MUC5B: variants seen among roughly 807,000 people sequenced by gnomAD.
The protein encoded by MUC5B is mucin-5B.
In MUC5B, 116 loss-of-function variants were observed where a neutral mutation model predicts 376.9. The ratio of observed to expected loss-of-function variants is 0.31; its 90% confidence interval spans 0.26 to 0.36. The LOEUF is 0.36. MUC5B is among the 10% of genes least tolerant of loss of function. The probability of loss-of-function intolerance (pLI) is 1.00; values close to 1 mark genes in which losing one functional copy is unlikely to be tolerated. For synonymous variants in MUC5B, 3,517 were observed against 3,390.9 expected, an observed-to-expected ratio of 1.04 and a Z score of -1.29; for missense variants, 7,165 against 7,769.9, an observed-to-expected ratio of 0.92 and a Z score of 2.93.
chr11:1,256,743 A>G lies in MUC5B; in HGVS notation c.16209A>G (p.Ala5403=). 1 of 1,547,910 alleles carries G rather than the reference A, an allele frequency of 6.5e-7. No homozygotes were observed. Among genetic ancestry groups the G allele is most frequent in the Non-Finnish European group, 8.7e-7 (1 of 1,148,392 alleles). ...FCPEDQILFN[A]HMGICVQACP... is the part of the protein sequence containing the mutation. ...CTGAGGACCAGATCCTCTTCAACGCACACATGGGCATCTGCGTGCAGGCCT... is the reference window on the plus strand; with the variant it reads ...CTGAGGACCAGATCCTCTTCAACGCGCACATGGGCATCTGCGTGCAGGCCT... Residue 5403 remains alanine (A), a synonymous_variant, in exon 39 of 49, where the codon GCA becomes GCG. Transcript: ENST00000529681.
chr11:1,256,585 C>A, intron 38 of MUC5B, 86 bp from the exon 39 acceptor site: 1 of 857,446 alleles, frequency 1.2e-6, no homozygotes, highest in Non-Finnish European at 1.8e-6. Flanking sequence ...TCCCTGCTCC[C>A]CACTGCCCAT....
Position 1,248,680 on chromosome 11 carries a change from C to T in MUC5B, c.11800C>T (p.Pro3934Ser). Residue 3934 changes from proline (P) to serine (S), a missense_variant, in exon 31 of 49, where the codon CCC (proline) becomes TCC (serine). By Grantham distance (74) the Pro-to-Ser change is moderately conservative. Transcript: ENST00000529681. ...TGTGGCCACTGGTTCTATGGCAACA[C>T]CCTCCTCTAGCACACAGACCAGTGG... is the stretch of plus-strand genomic sequence containing the variant. ...TTVATGSMAT[P>S]SSSTQTSGTP... is the part of the protein sequence containing the mutation. 1.3e-6 allele frequency: 2 copies of T among 1,591,334 alleles called. No individual in the cohort carries two copies. The highest frequency in any genetic ancestry group is 1.7e-6 in the Non-Finnish European group (2 of 1,169,532).
chr11:1,248,635 C>A lies in MUC5B; in HGVS notation c.11755C>A (p.Leu3919Met), dbSNP rs1379108251. ...VPGTTHTPTVLTTTTTTVATG... is the reference protein window; with the variant it reads ...VPGTTHTPTVMTTTTTTVATG... Reference sequence around the variant, plus strand: ...GGGGACCACCCACACCCCCACAGTGCTGACCACCACCACCACAACTGTGGC... The same window carrying A: ...GGGGACCACCCACACCCCCACAGTGATGACCACCACCACCACAACTGTGGC... Residue 3919 changes from leucine to methionine, a missense_variant, in exon 31 of 49, where the codon CTG (leucine) becomes ATG (methionine). Transcript: ENST00000529681. The A allele has an allele frequency of 1.2e-6, 2 of 1,611,026 alleles. No individual in the cohort carries two copies. Among genetic ancestry groups the A allele is most frequent in the African/African-American group, 1.3e-5 (1 of 74,754 alleles).
In MUC5B at chr11:1,257,965, G is replaced by T; in HGVS notation, c.16451-134G>T. On this transcript the variant is annotated intron_variant, in intron 41 of 48. Coordinates refer to ENST00000529681, the MANE Select transcript of MUC5B (RefSeq NM_002458.3). The surrounding 1 kb of genome is among the most constrained non-coding windows in gnomAD (Gnocchi z 8.9). ...CAGCGGGGAGGTGGCCAAGCAAGGG[G>T]CCTGGAGGGAGCCCCCAGGGGCTGT... 1.0e-6 allele frequency: 1 copy of T among 999,824 alleles called. No homozygotes were observed. Among genetic ancestry groups the T allele is most frequent in the Non-Finnish European group, 1.5e-6 (1 of 674,244 alleles). The allele number at this position is 999,824 out of a possible 1,614,324, so 61.9% of individuals were successfully genotyped here.
At position 1,240,170 on chromosome 11, in the gene MUC5B, A is replaced by G. The variant is rs1862245972; in HGVS notation, c.3773-8A>G. Reference sequence around the variant, plus strand: ...GGCCCTGGGTGACTCTGCCGGCTCCATCCCCAGCCTGCACCTGCACCTATG... The same window carrying G: ...GGCCCTGGGTGACTCTGCCGGCTCCGTCCCCAGCCTGCACCTGCACCTATG... On this transcript the variant is annotated splice_region_variant and splice_polypyrimidine_tract_variant and intron_variant, in intron 29 of 48. Coordinates refer to ENST00000529681, the MANE Select transcript of MUC5B (RefSeq NM_002458.3). 4 of 1,589,474 alleles carry G rather than the reference A, an allele frequency of 2.5e-6. No homozygotes were observed. In the East Asian group the frequency reaches 9.0e-5, roughly 36 times the overall value.
chr11:1,235,628 A>G (rs796934878), intron 23 of MUC5B: 5 of 591,418 alleles, frequency 8.5e-6, no homozygotes, highest in African/African-American at 7.4e-5. Flanking sequence ...GGGCAGGGCC[A>G]CACTCCCTGT....
Position 1,234,029 on chromosome 11 carries a change from G to T in MUC5B, c.2378-176G>T, listed in dbSNP as rs1318948738. The stretch of plus-strand genomic sequence containing the variant: ...ACGCCAGGGACGGAGGGGCCAGTGG[G>T]TCTCTGCCCCGCAGTGTGGCCGGGG... On this transcript the variant is annotated intron_variant, in intron 19 of 48. Transcript: ENST00000529681. The surrounding 1 kb of genome is among the most constrained non-coding windows in gnomAD (Gnocchi z 6.3). Among the ~76,000 whole-genome samples, 3 of 152,232 alleles carry T rather than the reference G, an allele frequency of 2.0e-5. No individual in the cohort carries two copies. The highest frequency in any genetic ancestry group is 4.4e-5 in the Non-Finnish European group (3 of 68,036).
rs745412238 is a variant in MUC5B, at chr11:1,233,023, G to A, written c.2076G>A (p.Met692Ile). 1 of 1,592,978 alleles carries A rather than the reference G, an allele frequency of 6.3e-7. No homozygotes were observed. Among genetic ancestry groups the A allele is most frequent in the African/African-American group, 1.3e-5 (1 of 74,794 alleles). Reference protein sequence around the residue: ...DWRDGVCTKYMQNCPKSQRYA... With the variant: ...DWRDGVCTKYIQNCPKSQRYA... The stretch of plus-strand genomic sequence containing the variant: ...CCCCACCGACCACAGCCAAGTACAT[G>A]CAGAACTGCCCCAAGTCCCAGCGCT... Residue 692 changes from methionine (M) to isoleucine (I), a missense_variant, in exon 18 of 49, where the codon ATG (methionine) becomes ATA (isoleucine). Met to Ile is a conservative substitution (Grantham distance 10, BLOSUM62 1). Coordinates refer to ENST00000529681, the MANE Select transcript of MUC5B (RefSeq NM_002458.3).
chr11:1,248,928 G>T lies in MUC5B; in HGVS notation c.12048G>T (p.Leu4016=). The change falls in exon 31 of 49, where the codon CTG becomes CTT. Residue 4016 remains leucine, a synonymous_variant. Coordinates refer to ENST00000529681, the MANE Select transcript of MUC5B (RefSeq NM_002458.3). ...CGGCCACCACACACGGGCGATCCCT[G>T]TCCCCCAGCAGTCCCCACACGGTGC... ...NTTATTHGRS[L]SPSSPHTVRT... The T allele has an allele frequency of 1.9e-6, 3 of 1,588,014 alleles. No individual in the cohort carries two copies. Among genetic ancestry groups the T allele is most frequent in the Non-Finnish European group, 2.6e-6 (3 of 1,166,802 alleles).
In MUC5B at chr11:1,251,137, A is replaced by G; in HGVS notation, c.14257A>G (p.Ile4753Val). ...ATCCACAGCTACCAGCTTTACACCC[A>G]TCCCCTCCTCCACCCTGTGGACCAC... ...TKSTATSFTP[I>V]PSSTLWTTWT... The change falls in exon 31 of 49, where the codon ATC (isoleucine) becomes GTC (valine). Residue 4753 changes from isoleucine (I) to valine (V), a missense_variant. By Grantham distance (29) the Ile-to-Val change is conservative. This residue lies in a region of MUC5B where 730 missense variants were observed against 592.7 expected (regional missense o/e 1.23). Coordinates refer to ENST00000529681, the MANE Select transcript of MUC5B (RefSeq NM_002458.3). 4 of 1,610,494 alleles carry G rather than the reference A, an allele frequency of 2.5e-6. No individual in the cohort carries two copies. The highest frequency in any genetic ancestry group is 3.3e-4 in the Middle Eastern group (2 of 6,060).
rs562635105 is a variant in MUC5B at position 1,227,567 on chromosome 11, C to T, written c.668-108C>T. On this transcript the variant is annotated intron_variant, in intron 6 of 48. Coordinates refer to ENST00000529681, the MANE Select transcript of MUC5B (RefSeq NM_002458.3). ...AGGAGTGCCCCTCGGGGGTGTTGGGCCCTAGGCAGGAGTGGGAGTCCTCTG... is the reference window on the plus strand; with the variant it reads ...AGGAGTGCCCCTCGGGGGTGTTGGGTCCTAGGCAGGAGTGGGAGTCCTCTG... The T allele has an allele frequency of 3.2e-4, 215 of 676,544 alleles. 1 individual carries two copies. Among genetic ancestry groups the T allele is most frequent in the Non-Finnish European group, 2.2e-5 (8 of 365,482 alleles). 41.9% of individuals were successfully genotyped at this position (676,544 alleles called of 1,614,324 possible). A position where few individuals can be genotyped will look rare whatever the true frequency, so the allele number is the denominator to read the frequency against.
chr11:1,228,462 G>C, intron 7 of MUC5B, 102 bp from the exon 8 acceptor site: 3 of 1,160,732 alleles, frequency 2.6e-6, no homozygotes, highest in Non-Finnish European at 3.5e-6. Context: ...ACCCCGACAG[G>C]GAGAGGGCTT....
Position 1,258,049 on chromosome 11 carries a change from C to T in MUC5B, c.16451-50C>T, listed in dbSNP as rs56330505. ...GCGACTTACTCTGGGAACAAGTGGT[C>T]GGGAGGAGGAGTGAGCAGCGCCCAG... On this transcript the variant is annotated intron_variant, in intron 41 of 48. Transcript: ENST00000529681. This position sits in a 1 kb window ranked among gnomAD's most constrained non-coding sequence, Gnocchi z 5.5. The T allele has an allele frequency of 0.032, 48,405 of 1,492,534 alleles. 1,006 individuals carry two copies. The highest frequency in any genetic ancestry group is 0.084 in the Middle Eastern group (357 of 4,238). The allele number at this position is 1,492,534 out of a possible 1,614,324, so 92.5% of individuals were successfully genotyped here.
In MUC5B at chr11:1,239,881, C is replaced by A. The variant is rs752435147; in HGVS notation, c.3666C>A (p.Asp1222Glu). 1 of 1,613,234 alleles carries A rather than the reference C, an allele frequency of 6.2e-7. No individual in the cohort carries two copies. Among genetic ancestry groups the A allele is most frequent in the South Asian group, 1.1e-5 (1 of 90,948 alleles). The change falls in exon 28 of 49, where the codon GAC (aspartate) becomes GAA (glutamate). Residue 1222 changes from aspartate to glutamate, a missense_variant. Coordinates refer to ENST00000529681, the MANE Select transcript of MUC5B (RefSeq NM_002458.3). ...MKCVAQCGCY[D>E]KDGNYYDVGA... ...GCGTGGCCCAGTGTGGCTGCTACGA[C>A]AAGGACGGAAACTACTATGACGTCG...
At chr11:1,223,358 G>A in intron 1 of MUC5B, 165 bp downstream of exon 1, 2 of 689,610 alleles carry the variant, frequency 2.9e-6, no homozygotes, top group Non-Finnish European at 5.3e-6. Context: ...AGGGCTCTGG[G>A]GCCCCACGGG....
chr11:1,245,000 C>A lies in MUC5B; in HGVS notation c.8120C>A (p.Ser2707Tyr), dbSNP rs1257174216. ...GCCACCGGCTCCACCACCAACCCCT[C>A]CTCAACTCCAGGGACAACACCTATC... ...ITATGSTTNPSSTPGTTPIPP... is the reference protein window; with the variant it reads ...ITATGSTTNPYSTPGTTPIPP... Residue 2707 changes from serine to tyrosine, a missense_variant, in exon 31 of 49, where the codon TCC becomes TAC. Around this residue, in one of 31 missense-constraint regions of MUC5B, gnomAD observed 70 missense variants for 169.1 expected, o/e 0.41. Transcript: ENST00000529681. The A allele has an allele frequency of 1.2e-5, 18 of 1,552,338 alleles. No homozygotes were observed. Among genetic ancestry groups the A allele is most frequent in the Non-Finnish European group, 1.6e-5 (18 of 1,147,538 alleles).
At position 1,250,203 on chromosome 11, in the gene MUC5B, C is replaced by T; in HGVS notation, c.13323C>T (p.Ser4441=). Residue 4441 remains serine (S), a synonymous_variant, in exon 31 of 49, where the codon TCC becomes TCT. Coordinates refer to ENST00000529681, the MANE Select transcript of MUC5B (RefSeq NM_002458.3). ...CCACTGGATCCACGGCCACCCCGTC[C>T]TCCACCCCAGGGACCACCTGGATCC... ...TASTGSTATP[S]STPGTTWILT... The T allele has an allele frequency of 1.9e-6, 3 of 1,609,614 alleles. No homozygotes were observed. Among genetic ancestry groups the T allele is most frequent in the Non-Finnish European group, 2.5e-6 (3 of 1,177,062 alleles).
Position 1,255,283 on chromosome 11 carries a change from G to GCT in MUC5B, c.15890+17_15890+18insCT. 3 of 1,508,742 alleles carry GCT rather than the reference G, an allele frequency of 2.0e-6. No homozygotes were observed. The highest frequency in any genetic ancestry group is 2.7e-6 in the Non-Finnish European group (3 of 1,121,702). 93.5% of individuals were successfully genotyped at this position (1,508,742 alleles called of 1,614,324 possible). On this transcript the variant is annotated intron_variant, in intron 36 of 48. Coordinates refer to ENST00000529681, the MANE Select transcript of MUC5B (RefSeq NM_002458.3). ...GCTGAGCCAGTGAGTCCTCCCCTCG[G>GCT]GGGTTGCAGGCCCTGGGGCGCCCCC...
Position 1,246,680 on chromosome 11 carries a change from C to T in MUC5B, c.9800C>T (p.Pro3267Leu). 21 of 1,610,118 alleles carry T rather than the reference C, an allele frequency of 1.3e-5. 1 individual carries two copies. The highest frequency in any genetic ancestry group is 1.8e-5 in the Non-Finnish European group (21 of 1,177,166). The part of the protein sequence containing the change: ...TPTATMSTAT[P>L]SSTPETVHTS... ...ACGGCCACCATGTCCACAGCCACAC[C>T]CTCCTCTACTCCAGAGACTGTCCAC... Residue 3267 changes from proline to leucine, a missense_variant, in exon 31 of 49, where the codon CCC (proline) becomes CTC (leucine). Around this residue, in one of 31 missense-constraint regions of MUC5B, gnomAD observed 939 missense variants for 770.6 expected, o/e 1.22. Transcript: ENST00000529681.
Sources: gnomAD v4.1 joint callset for allele counts (sites outside exome capture counted in the v4.1 genomes callset) on GRCh38, gnomAD v4.1.1 for gene constraint, gnomAD v4.1.1 regional missense constraint, Gnocchi (gnomAD v3.1) non-coding constraint, MANE v1.5 for transcripts, NCBI Gene and HGNC (gene_info 2026-07-23, HGNC 2026-07-21) for gene names.